PRORP: variants seen among roughly 807,000 people sequenced by gnomAD.
PRORP encodes protein only RNase P catalytic subunit, also known as mitochondrial ribonuclease P catalytic subunit.
PRORP carries 51 observed loss-of-function variants against 59.4 expected under a neutral mutation model. The ratio of observed to expected loss-of-function variants is 0.86; its 90% confidence interval spans 0.69 to 1.08. The LOEUF (loss-of-function observed/expected upper bound fraction) is 1.08. Among genes scored for constraint, PRORP ranks in the 50% least tolerant of loss-of-function variants. The pLI, the probability that PRORP is intolerant of heterozygous loss-of-function variation, is 0.00. For missense variants in PRORP, 646 were observed against 690.3 expected, an observed-to-expected ratio of 0.94 and a Z score of 0.72; for synonymous variants, 231 against 245.6, an observed-to-expected ratio of 0.94 and a Z score of 0.55.
At chr14:35,237,223 G>C (rs1282623213) in intron 5 of PRORP, among the ~76,000 whole-genome samples, 1 of 151,870 alleles carries the variant, frequency 6.6e-6, no homozygotes, top group Non-Finnish European at 1.5e-5. Flanking sequence ...ATCCTGAGTA[G>C]CTGGGACCAC....
chr14:35,137,861 CT>C (rs1457210894), intron 4 of PRORP, among the ~76,000 whole-genome samples: 1 of 145,364 alleles, frequency 6.9e-6, no homozygotes, highest in African/African-American at 2.4e-5. Flanking sequence ...CCAAAGAGCA[CT>C]ATATGAGAGG....
chr14:35,263,171 G>A, intron 5 of PRORP: 2 of 664,902 alleles, frequency 3.0e-6, no homozygotes, highest in Non-Finnish European at 5.0e-6. Context: ...CAGAAAGACT[G>A]GTAAATAGAC....
intron 5 of PRORP, among the ~76,000 whole-genome samples, chr14:35,263,654 C>T (rs529379674): frequency 6.6e-6 from 1 of 152,236 alleles, no homozygotes; most frequent in South Asian, 2.1e-4. Flanking sequence ...TGCCACTGCA[C>T]TCCAGCCTGG....
chr14:35,184,015 A>G (rs1218192242), intron 5 of PRORP, among the ~76,000 whole-genome samples: 1 of 152,100 alleles, frequency 6.6e-6, no homozygotes, highest in Non-Finnish European at 1.5e-5. Context: ...CTTTGAAGAG[A>G]TTTCCAGACT....
rs1046034513 is a variant in PRORP, at chr14:35,139,231, A to G, written c.1167+11620A>G. 2.1e-5 allele frequency among the ~76,000 whole-genome samples: 3 copies of G among 145,962 alleles called. No homozygotes were observed. In the Admixed American group the frequency reaches 2.1e-4, roughly 10 times the overall value. On this transcript the variant is annotated intron_variant, in intron 4 of 7. Coordinates refer to ENST00000534898, the MANE Select transcript of PRORP (RefSeq NM_014672.4). ...CTTGGCCTCCTAAGGTTCTGGGATT[A>G]CAGGTGTGAGCCACCGTGCCCAGGA...
intron 5 of PRORP, among the ~76,000 whole-genome samples, chr14:35,245,116 C>G (rs2050452840): frequency 6.6e-6 from 1 of 152,260 alleles, no homozygotes; most frequent in South Asian, 2.1e-4. Flanking sequence ...TACCCAAAAA[C>G]ATCCAACAGA....
intron 4 of PRORP, among the ~76,000 whole-genome samples, chr14:35,166,056 T>G (rs75796373): frequency 0.12 from 18,907 of 152,130 alleles, 1,251 homozygotes; most frequent in Middle Eastern, 0.17. Context: ...TTGTTTTGAT[T>G]TATTCCTTGA....
At position 35,208,967 on chromosome 14, in the gene PRORP, G is replaced by T. The variant is rs187378473; in HGVS notation, c.1275+28190G>T. Among the ~76,000 whole-genome samples the T allele has an allele frequency of 5.9e-3, 791 of 134,428 alleles. 8 individuals carry two copies. Among genetic ancestry groups the T allele is most frequent in the African/African-American group, 0.019 (747 of 40,332 alleles). The allele number at this position is 134,428 out of a possible 152,430, so 88.2% of individuals were successfully genotyped here. On this transcript the variant is annotated intron_variant, in intron 5 of 7. Coordinates refer to ENST00000534898, the MANE Select transcript of PRORP (RefSeq NM_014672.4). ...AATCACTTGAACTTGGGAGGCAGAG[G>T]TTGCAGTGAGCCGAGATTGCACAAC...
At chr14:35,262,555 A>C (rs1336159662) in intron 5 of PRORP, 3 of 677,558 alleles carry the variant, frequency 4.4e-6, no homozygotes, top group Non-Finnish European at 8.2e-6. Flanking sequence ...CCCCAGAGGA[A>C]CCCTGCAGAG....
chr14:35,263,516 G>A (rs564407573), intron 5 of PRORP, among the ~76,000 whole-genome samples: 70 of 150,240 alleles, frequency 4.7e-4, no homozygotes, highest in African/African-American at 1.6e-3. Flanking sequence ...GTGAAACTCC[G>A]TCTCTACTAA....
intron 5 of PRORP, among the ~76,000 whole-genome samples, chr14:35,253,286 G>A (rs973674852): frequency 6.7e-6 from 1 of 148,444 alleles, no homozygotes; most frequent in African/African-American, 2.5e-5. Context: ...GCTGTGATTC[G>A]TGCCACTGCA....
intron 5 of PRORP, among the ~76,000 whole-genome samples, chr14:35,248,164 A>G (rs2050529425): frequency 1.3e-5 from 2 of 152,254 alleles, no homozygotes; most frequent in South Asian, 4.1e-4. Context: ...GATATAGGAC[A>G]TGGTGGGTCT....
intron 5 of PRORP, among the ~76,000 whole-genome samples, chr14:35,197,930 G>A (rs2049049099): frequency 6.6e-6 from 1 of 152,214 alleles, no homozygotes; most frequent in Non-Finnish European, 1.5e-5. Context: ...TGTAAATTCT[G>A]TCAGCAAACC....
chr14:35,269,735 A>G (rs2051138128), intron 6 of PRORP, among the ~76,000 whole-genome samples: 1 of 152,118 alleles, frequency 6.6e-6, no homozygotes, highest in Non-Finnish European at 1.5e-5. Context: ...GGTCCTATTT[A>G]GGGTCATTTG....
At chr14:35,216,132 A>C (rs1024284996) in intron 5 of PRORP, among the ~76,000 whole-genome samples, 7 of 147,608 alleles carry the variant, frequency 4.7e-5, no homozygotes, top group African/African-American at 1.7e-4. Context: ...ATAATATATA[A>C]TATATTTATA....
At chr14:35,233,315 T>C (rs939105234) in intron 5 of PRORP, among the ~76,000 whole-genome samples, 5 of 150,244 alleles carry the variant, frequency 3.3e-5, no homozygotes, top group East Asian at 1.9e-4. Flanking sequence ...CTAATAAATA[T>C]ATGAATTGTA....
chr14:35,232,919 C>T (rs912154432), intron 5 of PRORP, among the ~76,000 whole-genome samples: 3 of 152,082 alleles, frequency 2.0e-5, no homozygotes, highest in South Asian at 2.1e-4. Flanking sequence ...ATGATCTGCC[C>T]GCCTCAGCCT....
At position 35,244,944 on chromosome 14, in the gene PRORP, TG is replaced by T. The variant is rs1226676981; in HGVS notation, c.1276-21782del. On this transcript the variant is annotated intron_variant, in intron 5 of 7. Coordinates refer to ENST00000534898, the MANE Select transcript of PRORP (RefSeq NM_014672.4). ...TGTGAGGAAGGGGCAAGATTGTCAC[TG>T]TCAGATGAAAGCTCCCTTGAGAAGA... 9.2e-5 allele frequency among the ~76,000 whole-genome samples: 11 copies of T among 120,096 alleles called. No individual in the cohort carries two copies. The Admixed American group carries it at 9.4e-4, about 10-fold the overall frequency. The allele number at this position is 120,096 out of a possible 152,430, so 78.8% of individuals were successfully genotyped here. A position where few individuals can be genotyped will look rare whatever the true frequency, so the allele number is the denominator to read the frequency against.
At chr14:35,234,855 T>A (rs565745004) in intron 5 of PRORP, among the ~76,000 whole-genome samples, 41 of 151,918 alleles carry the variant, frequency 2.7e-4, no homozygotes, top group Middle Eastern at 3.4e-3. Context: ...ATTTTTTTTT[T>A]AATGTTTTTG....
Sources: allele counts gnomAD v4.1 joint callset (sites outside exome capture counted in the v4.1 genomes callset), GRCh38; gene constraint gnomAD v4.1.1; transcripts MANE v1.5; gene names NCBI Gene and HGNC (gene_info 2026-07-23, HGNC 2026-07-21).